Variants in MCMBP observed in about 807,000 individuals in gnomAD.
The protein encoded by MCMBP is minichromosome maintenance complex binding protein.
In MCMBP, 31 loss-of-function variants were observed where a neutral mutation model predicts 81.3. The ratio of observed to expected loss-of-function variants is 0.38; its 90% CI spans 0.29 to 0.51. The LOEUF (loss-of-function observed/expected upper bound fraction) is 0.51, where lower values mean the gene tolerates loss of function less well. MCMBP is among the 20% of genes least tolerant of loss of function. The probability of loss-of-function intolerance (pLI) is 0.87; values close to 1 mark genes in which losing one functional copy is unlikely to be tolerated. For synonymous variants in MCMBP, 267 were observed against 275.9 expected, an observed-to-expected ratio of 0.97 and a Z score of 0.32; for missense variants, 645 against 772.1, an observed-to-expected ratio of 0.84 and a Z score of 1.95.
chr10:119,862,851 C>T (rs1283838772), intron 1 of MCMBP, among the ~76,000 whole-genome samples: 5 of 152,194 alleles, frequency 3.3e-5, no homozygotes, highest in Admixed American at 6.5e-5. Flanking sequence ...TAAATTTTAG[C>T]TGTTCTAATA....
chr10:119,838,752 G>GA, intron 11 of MCMBP, 52 bp from the exon 12 acceptor site: 1 of 1,477,254 alleles, frequency 6.8e-7, no homozygotes, highest in Non-Finnish European at 9.3e-7. Context: ...CCTGTTTTAA[G>GA]AAAATATGTA....
chr10:119,871,833 G>A (rs911754825), intron 1 of MCMBP, among the ~76,000 whole-genome samples: 3 of 152,168 alleles, frequency 2.0e-5, no homozygotes, highest in East Asian at 1.9e-4. Flanking sequence ...ACCCTTCGCA[G>A]TAAAGTAGCA....
chr10:119,867,755 G>C (rs1362296213), intron 1 of MCMBP, among the ~76,000 whole-genome samples: 5 of 152,162 alleles, frequency 3.3e-5, no homozygotes, highest in African/African-American at 4.8e-5. Flanking sequence ...TCCAGTTCCT[G>C]ATTCCACTCA....
intron 5 of MCMBP, among the ~76,000 whole-genome samples, chr10:119,856,278 A>G (rs1273840969): frequency 2.6e-5 from 4 of 152,232 alleles, no homozygotes; most frequent in Non-Finnish European, 4.4e-5. Flanking sequence ...TGGTAGTTTA[A>G]AATGTTCTCA....
intron 8 of MCMBP, among the ~76,000 whole-genome samples, chr10:119,847,392 G>T (rs2134364101): frequency 6.6e-6 from 1 of 152,240 alleles, no homozygotes; most frequent in South Asian, 2.1e-4. Context: ...GCAGTTAGGG[G>T]TAAAAGGGCT....
chr10:119,853,080 T>C lies in MCMBP; in HGVS notation c.544A>G (p.Lys182Glu). ...TGTCTGGCACCTGCATGTTGGTCTT[T>C]CTGCTTATTGGGCTGTAGGTCCATA... ...DDMDLQPNKQKDQHAGARQAG... is the reference protein window; with the variant it reads ...DDMDLQPNKQEDQHAGARQAG... The change falls in exon 6 of 16, where the codon AAA becomes GAA. Residue 182 changes from lysine (K) to glutamate (E), a missense_variant. Coordinates refer to ENST00000369077, the MANE Select transcript of MCMBP (RefSeq NM_001256378.2). 6.2e-7 allele frequency: 1 copy of C among 1,614,222 alleles called. No individual in the cohort carries two copies. Among genetic ancestry groups the C allele is most frequent in the Non-Finnish European group, 8.5e-7 (1 of 1,180,024 alleles).
At chr10:119,833,667 C>G (rs896812918) in intron 14 of MCMBP, among the ~76,000 whole-genome samples, 1 of 152,054 alleles carries the variant, frequency 6.6e-6, no homozygotes. Context: ...TGAGACCCCA[C>G]TGACCAAATA....
At chr10:119,836,208 A>C (rs1481994776) in intron 13 of MCMBP, among the ~76,000 whole-genome samples, 1 of 152,228 alleles carries the variant, frequency 6.6e-6, no homozygotes, top group Non-Finnish European at 1.5e-5. Flanking sequence ...TTTCTTGGTT[A>C]CTTATGTTTC....
In MCMBP at chr10:119,859,022, T is replaced by C. The variant is rs1254496635; in HGVS notation, c.285+19A>G. On this transcript the variant is annotated intron_variant, in intron 3 of 15. Transcript: ENST00000369077. ...GGACAAAATTAATACCACAAATTCA[T>C]GAAAACAGCAATACTTACATGTGCT... is the stretch of plus-strand genomic sequence containing the variant. 6.2e-6 allele frequency: 10 copies of C among 1,612,220 alleles called. No individual in the cohort carries two copies. Among genetic ancestry groups the C allele is most frequent in the Non-Finnish European group, 7.6e-6 (9 of 1,179,296 alleles).
intron 6 of MCMBP, among the ~76,000 whole-genome samples, chr10:119,852,670 C>G (rs1026995967): frequency 1.3e-5 from 2 of 152,090 alleles, no homozygotes; most frequent in Non-Finnish European, 2.9e-5. Flanking sequence ...GGGAGTGAAA[C>G]CCTGTCTCAA....
Position 119,836,880 on chromosome 10 carries a change from A to G in MCMBP, c.1542+16T>C. On this transcript the variant is annotated intron_variant, in intron 13 of 15. Transcript: ENST00000369077. ...CCAATGTCAACCTCCCTCCATTTAAAAATGACTCATCATACCGGGAGGAGT... is the reference window on the plus strand; with the variant it reads ...CCAATGTCAACCTCCCTCCATTTAAGAATGACTCATCATACCGGGAGGAGT... The G allele has an allele frequency of 6.3e-7, 1 of 1,589,156 alleles. No homozygotes were observed. Among genetic ancestry groups the G allele is most frequent in the Non-Finnish European group, 8.6e-7 (1 of 1,166,246 alleles).
Position 119,843,398 on chromosome 10 carries a change from C to T in MCMBP, c.856G>A (p.Glu286Lys). ...RDASALLDPM[E>K]CTDTAEEQRV... ...TGCTCCTCTGCTGTGTCTGTGCACTCCATCGGATCCAGCAGTGCAGAGGCA... is the reference window on the plus strand; with the variant it reads ...TGCTCCTCTGCTGTGTCTGTGCACTTCATCGGATCCAGCAGTGCAGAGGCA... Residue 286 changes from glutamate (E) to lysine (K), a missense_variant, in exon 9 of 16, where the codon GAG becomes AAG. Physicochemically the swap from Glu to Lys is moderately conservative, Grantham distance 56. Coordinates refer to ENST00000369077, the MANE Select transcript of MCMBP (RefSeq NM_001256378.2). 6.2e-7 allele frequency: 1 copy of T among 1,613,916 alleles called. No individual in the cohort carries two copies. Among genetic ancestry groups the T allele is most frequent in the East Asian group, 2.2e-5 (1 of 44,868 alleles).
At position 119,831,330 on chromosome 10, in the gene MCMBP, TC is replaced by T; in HGVS notation, c.*143del. The T allele has an allele frequency of 1.2e-6, 1 of 858,318 alleles. No individual in the cohort carries two copies. Among genetic ancestry groups the T allele is most frequent in the South Asian group, 1.9e-5 (1 of 53,476 alleles). The allele number at this position is 858,318 out of a possible 1,614,324, so 53.2% of individuals were successfully genotyped here. A position where few individuals can be genotyped will look rare whatever the true frequency, so the allele number is the denominator to read the frequency against. Reference sequence around the variant, plus strand: ...GTCCTTACTGAATATCATATAAACATCAGGTGTTACCAGGCTTGATTTCAGG... The same window carrying T: ...GTCCTTACTGAATATCATATAAACATAGGTGTTACCAGGCTTGATTTCAGG... On this transcript the variant is annotated 3_prime_UTR_variant, in exon 16 of 16. Transcript: ENST00000369077.
intron 4 of MCMBP, 35 bp from the exon 5 acceptor site, chr10:119,857,474 A>G: frequency 1.4e-6 from 2 of 1,451,342 alleles, no homozygotes; most frequent in Non-Finnish European, 1.9e-6. Flanking sequence ...TTAAAAATTT[A>G]CTTTAAAAAA....
chr10:119,863,200 C>T (rs2456707), intron 1 of MCMBP, among the ~76,000 whole-genome samples: 152,228 of 152,272 alleles, frequency 1, 76,092 homozygotes, highest in Non-Finnish European at 1. Context: ...ACTGTGCCTT[C>T]GGTGTCATGT....
At chr10:119,864,343 A>C (rs1564887040) in intron 1 of MCMBP, among the ~76,000 whole-genome samples, 1 of 152,266 alleles carries the variant, frequency 6.6e-6, no homozygotes, top group Non-Finnish European at 1.5e-5. Flanking sequence ...TTACAGGAGA[A>C]ATAGAAAGCT....
Position 119,835,550 on chromosome 10 carries a change from T to C in MCMBP, c.1697A>G (p.Glu566Gly). 6.2e-7 allele frequency: 1 copy of C among 1,613,372 alleles called. No individual in the cohort carries two copies. The change falls in exon 14 of 16, where the codon GAA becomes GGA. Residue 566 changes from glutamate (E) to glycine (G), a missense_variant. By Grantham distance (98) the Glu-to-Gly change is moderately conservative (BLOSUM62 -2). Transcript: ENST00000369077. ...LRFLEYSISD[E>G]ITKAVEDDFV... is the part of the protein sequence containing the mutation. ...TTAACCTAGACATACCTTGGTTATT[T>C]CATCAGATATGCTATATTCCAAGAA... is the stretch of plus-strand genomic sequence containing the variant.
Position 119,872,590 on chromosome 10 carries a change from C to T in MCMBP, c.-6G>A. On this transcript the variant is annotated 5_prime_UTR_variant, in exon 1 of 16. Transcript: ENST00000369077. ...CAATCCTCCCCACACGGCATCTCGC[C>T]AGGGGCCGGGGCCGGCGAAGACCGG... is the stretch of plus-strand genomic sequence containing the variant. 6.0e-6 allele frequency: 7 copies of T among 1,175,520 alleles called. No homozygotes were observed. Among genetic ancestry groups the T allele is most frequent in the Non-Finnish European group, 7.4e-6 (7 of 944,574 alleles). The allele number at this position is 1,175,520 out of a possible 1,614,324, so 72.8% of individuals were successfully genotyped here.
chr10:119,844,261 T>A (rs1174351814), intron 8 of MCMBP, among the ~76,000 whole-genome samples: 1 of 152,236 alleles, frequency 6.6e-6, no homozygotes, highest in African/African-American at 2.4e-5. Flanking sequence ...ACTTGCTAAA[T>A]AAATCTGCAG....
Sources: gnomAD v4.1 joint callset for allele counts (sites outside exome capture counted in the v4.1 genomes callset) on GRCh38, gnomAD v4.1.1 for gene constraint, MANE v1.5 for transcripts, NCBI Gene and HGNC (gene_info 2026-07-23, HGNC 2026-07-21) for gene names.